FGF12: variants seen among roughly 807,000 people sequenced by gnomAD.
The protein encoded by FGF12 is fibroblast growth factor 12.
Under a neutral mutation model 23.6 loss-of-function variants are expected in FGF12, and 14 were observed. The ratio of observed to expected loss-of-function variants is 0.59; its 90% confidence interval spans 0.39 to 0.93. The LOEUF (loss-of-function observed/expected upper bound fraction) is 0.93, where lower values mean the gene tolerates loss of function less well. Ranked by LOEUF, FGF12 falls within the 40% of genes least tolerant of loss-of-function variation. The probability of loss-of-function intolerance (pLI) is 0.00; values close to 1 mark genes in which losing one functional copy is unlikely to be tolerated. For synonymous variants in FGF12, 62 were observed against 77.3 expected (o/e 0.80, Z 1.04); for missense variants, 175 against 217.8 (o/e 0.80, Z 1.24).
intron 4 of FGF12, among the ~76,000 whole-genome samples, chr3:192,307,189 G>A (rs1212272263): frequency 6.6e-6 from 1 of 152,118 alleles, no homozygotes; most frequent in African/African-American, 2.4e-5. Context: ...AATGATTGAG[G>A]TAAGAAATAC....
At chr3:192,301,302 G>T (rs1051659513) in intron 4 of FGF12, among the ~76,000 whole-genome samples, 1 of 152,196 alleles carries the variant, frequency 6.6e-6, no homozygotes, top group Non-Finnish European at 1.5e-5. Flanking sequence ...TCTTTATCTT[G>T]CAAGTAGTGT....
At chr3:192,366,022 C>T (rs777196231) in intron 2 of FGF12, among the ~76,000 whole-genome samples, 11 of 151,348 alleles carry the variant, frequency 7.3e-5, no homozygotes, top group Admixed American at 5.3e-4. Context: ...AACTCTGGCT[C>T]GGAGAGACAG....
intron 2 of FGF12, among the ~76,000 whole-genome samples, chr3:192,672,370 G>C (rs1037891607): frequency 6.6e-6 from 1 of 150,692 alleles, no homozygotes; most frequent in African/African-American, 2.4e-5. Context: ...TTTAAAGTCT[G>C]GTATGGACAA....
At position 192,442,517 on chromosome 3, in the gene FGF12, G is replaced by A. The variant is rs1722229623; in HGVS notation, c.14-81979C>T. Among the ~76,000 whole-genome samples the A allele has an allele frequency of 2.0e-5, 3 of 152,206 alleles. No individual in the cohort carries two copies. The South Asian group carries it at 6.2e-4, about 31-fold the overall frequency. On this transcript the variant is annotated intron_variant, in intron 2 of 5. Coordinates refer to ENST00000445105, the MANE Select transcript of FGF12 (RefSeq NM_004113.6). ...GGTGCCAGAGGGAAAAGAATCTGAA[G>A]ATGCCCAAACAAGTTACAGATGTAC...
intron 2 of FGF12, among the ~76,000 whole-genome samples, chr3:192,505,695 G>T (rs575422310): frequency 1.3e-5 from 2 of 152,270 alleles, no homozygotes; most frequent in East Asian, 3.9e-4. Context: ...ATAAACACAT[G>T]TAAAGTAAAA....
intron 2 of FGF12, among the ~76,000 whole-genome samples, chr3:192,649,638 T>G (rs1485485240): frequency 6.6e-6 from 1 of 152,116 alleles, no homozygotes; most frequent in Non-Finnish European, 1.5e-5. Flanking sequence ...TTGCAACCTC[T>G]GCCTCCCGGT....
chr3:192,420,002 A>G (rs1161766105), intron 2 of FGF12, among the ~76,000 whole-genome samples: 2 of 152,200 alleles, frequency 1.3e-5, no homozygotes, highest in Non-Finnish European at 2.9e-5. Context: ...ATTAAGTTGT[A>G]TGTGAGGAAA....
intron 2 of FGF12, among the ~76,000 whole-genome samples, chr3:192,664,854 T>C (rs1463720507): frequency 6.6e-6 from 1 of 152,166 alleles, no homozygotes; most frequent in Non-Finnish European, 1.5e-5. Flanking sequence ...GAATAAAGAA[T>C]CCAGTACAAA....
chr3:192,552,686 T>C (rs954550135), intron 2 of FGF12, among the ~76,000 whole-genome samples: 11 of 152,038 alleles, frequency 7.2e-5, no homozygotes, highest in African/African-American at 2.7e-4. Context: ...AGGCTGGGGG[T>C]TCCAGACCAG....
At chr3:192,335,535 C>A in intron 3 of FGF12, 71 bp from the exon 4 acceptor site, 2 of 962,492 alleles carry the variant, frequency 2.1e-6, no homozygotes, top group Non-Finnish European at 3.3e-6. Flanking sequence ...TATAATCATT[C>A]TTTTGAGAAT....
At chr3:192,428,427 T>C (rs115478627) in intron 2 of FGF12, among the ~76,000 whole-genome samples, 2,811 of 152,278 alleles carry the variant, frequency 0.018, 90 homozygotes, top group African/African-American at 0.064. Context: ...AATAATGATG[T>C]TGATTTTTAT....
At chr3:192,266,761 G>C (rs1470628758) in intron 4 of FGF12, among the ~76,000 whole-genome samples, 1 of 150,936 alleles carries the variant, frequency 6.6e-6, no homozygotes, top group South Asian at 2.1e-4. Context: ...TATTAACCAC[G>C]TTCTTTTCAA....
At chr3:192,391,120 C>T (rs1720275706) in intron 2 of FGF12, among the ~76,000 whole-genome samples, 1 of 152,010 alleles carries the variant, frequency 6.6e-6, no homozygotes, top group South Asian at 2.1e-4. Flanking sequence ...AAGCATGAGC[C>T]GAAGGAGGAC....
At chr3:192,472,844 G>C (rs890709598) in intron 2 of FGF12, among the ~76,000 whole-genome samples, 1 of 152,260 alleles carries the variant, frequency 6.6e-6, no homozygotes, top group East Asian at 1.9e-4. Context: ...ATGATTTCGA[G>C]TTTGTACTTG....
intron 2 of FGF12, among the ~76,000 whole-genome samples, chr3:192,378,068 T>TTCTG (rs1157492371): frequency 6.8e-5 from 8 of 117,260 alleles, no homozygotes; most frequent in South Asian, 2.7e-4. Context: ...CTTTCTTTCT[T>TTCTG]TCTTTCTTTC....
intron 2 of FGF12, among the ~76,000 whole-genome samples, chr3:192,602,421 C>T (rs1041930468): frequency 6.6e-6 from 1 of 151,930 alleles, no homozygotes; most frequent in African/African-American, 2.4e-5. Flanking sequence ...TTGTGCAAAA[C>T]CTAAAAAATG....
chr3:192,567,774 T>TTTC, intron 2 of FGF12, among the ~76,000 whole-genome samples: 1 of 135,160 alleles, frequency 7.4e-6, no homozygotes, highest in South Asian at 2.5e-4. Context: ...TCTTTCTTTC[T>TTTC]TTCTTTCTTT....
At chr3:192,275,532 A>T (rs1713727791) in intron 4 of FGF12, among the ~76,000 whole-genome samples, 1 of 152,208 alleles carries the variant, frequency 6.6e-6, no homozygotes, top group Non-Finnish European at 1.5e-5. Context: ...AATCTGTTGT[A>T]ATTTTGTCTT....
At chr3:192,265,715 G>T (rs781553681) in intron 4 of FGF12, among the ~76,000 whole-genome samples, 1 of 151,994 alleles carries the variant, frequency 6.6e-6, no homozygotes, top group African/African-American at 2.4e-5. Flanking sequence ...ATACACCAGA[G>T]AGTCTGGTGT....
Sources: gnomAD v4.1 joint callset for allele counts (sites outside exome capture counted in the v4.1 genomes callset) on GRCh38, gnomAD v4.1.1 for gene constraint, MANE v1.5 for transcripts, NCBI Gene and HGNC (gene_info 2026-07-23, HGNC 2026-07-21) for gene names.